The following OSGIN2 variants were observed in gnomAD, a reference collection of about 807,000 sequenced individuals.
OSGIN2 encodes the protein oxidative stress-induced growth inhibitor 2.
A neutral mutation model predicts 53.8 loss-of-function variants in OSGIN2; 19 were observed. The ratio of observed to expected loss-of-function variants is 0.35; its 90% CI spans 0.25 to 0.52. The LOEUF (loss-of-function observed/expected upper bound fraction) is 0.52. Among genes scored for constraint, OSGIN2 ranks in the 20% least tolerant of loss-of-function variants. The pLI is 0.95. For missense variants in OSGIN2, 520 were observed against 662.7 expected (o/e 0.78, Z 2.36); for synonymous variants, 236 against 236.0 (o/e 1.00, Z 0.00).
Position 89,926,470 on chromosome 8 carries a change from A to AAAT in OSGIN2, c.*939_*941dup, listed in dbSNP as rs769825903. On this transcript the variant is annotated 3_prime_UTR_variant, in exon 6 of 6. Coordinates refer to ENST00000451899, the MANE Select transcript of OSGIN2 (RefSeq NM_001126111.3). Reference sequence around the variant, plus strand: ...TATTTGGGTGTGGTAAGTACTTCGAAAATTGTAATACTGTTTGGGCATTGT... The same window carrying AAAT: ...TATTTGGGTGTGGTAAGTACTTCGAAAATAATTGTAATACTGTTTGGGCATTGT... 1 of 152,614 alleles carries AAAT rather than the reference A, an allele frequency of 6.6e-6. No homozygotes were observed. Among genetic ancestry groups the AAAT allele is most frequent in the Non-Finnish European group, 1.5e-5 (1 of 68,022 alleles). 9.5% of individuals were successfully genotyped at this position (152,614 alleles called of 1,614,324 possible). A position where few individuals can be genotyped will look rare whatever the true frequency, so the allele number is the denominator to read the frequency against.
intron 3 of OSGIN2, 31 bp downstream of exon 3, chr8:89,914,244 T>A (rs28507172): frequency 0.091 from 136,581 of 1,508,222 alleles, 15,268 homozygotes; most frequent in African/African-American, 0.51. Context: ...ATTTAAAAAA[T>A]TTTTTTATGC....
intron 1 of OSGIN2, among the ~76,000 whole-genome samples, chr8:89,905,800 A>G (rs192816198): frequency 2.0e-5 from 3 of 152,356 alleles, no homozygotes; most frequent in Admixed American, 2.0e-4. Context: ...AGGGCTGCAC[A>G]TGCAAAAAAC....
chr8:89,909,520 C>G, intron 1 of OSGIN2, 47 bp from the exon 2 acceptor site: 1 of 1,009,370 alleles, frequency 9.9e-7, no homozygotes, highest in South Asian at 2.0e-5. Context: ...TTTATAAAGG[C>G]TATATTGACT....
chr8:89,912,692 G>T (rs976477690), intron 2 of OSGIN2, among the ~76,000 whole-genome samples: 4 of 151,820 alleles, frequency 2.6e-5, no homozygotes, highest in Non-Finnish European at 5.9e-5. Context: ...GTTGCAGTGA[G>T]CCGAGATCAT....
At chr8:89,914,055 T>A in intron 2 of OSGIN2, 22 bp from the exon 3 acceptor site, 1 of 1,606,128 alleles carries the variant, frequency 6.2e-7, no homozygotes, top group Non-Finnish European at 8.5e-7. Context: ...ACCTACCCCT[T>A]TCCACCTTTT....
chr8:89,915,321 CAGAG>C (rs1057473370), intron 4 of OSGIN2, among the ~76,000 whole-genome samples: 2 of 152,128 alleles, frequency 1.3e-5, no homozygotes, highest in Non-Finnish European at 2.9e-5. Context: ...CCTCACATAG[CAGAG>C]AGAGAGAAAT....
At chr8:89,902,980 TG>T in intron 1 of OSGIN2, 143 bp downstream of exon 1, 1 of 219,394 alleles carries the variant, frequency 4.6e-6, no homozygotes, top group East Asian at 1.2e-4. Context: ...CTGCCTGGCG[TG>T]GGGGTGGGGT....
At chr8:89,922,062 G>T (rs1205593253) in intron 5 of OSGIN2, among the ~76,000 whole-genome samples, 1 of 151,910 alleles carries the variant, frequency 6.6e-6, no homozygotes, top group Non-Finnish European at 1.5e-5. Flanking sequence ...TTTAAAAAGA[G>T]AAATATGAAA....
rs1435625028 is a variant in OSGIN2, at chr8:89,909,037, AATATATATATATAC to A, written c.45-516_45-503del. On this transcript the variant is annotated intron_variant, in intron 1 of 5. Transcript: ENST00000451899. ...AAAAAAAAAAAAAAAAAAAAAAAAA[AATATATATATATAC>A]ATATATATATATATAATGTATATGT... Among the ~76,000 whole-genome samples, 235 of 84,868 alleles carry A rather than the reference AATATATATATATAC, an allele frequency of 2.8e-3. 2 individuals carry two copies. The highest frequency in any genetic ancestry group is 0.016 in the African/African-American group (224 of 13,896). 55.7% of individuals were successfully genotyped at this position (84,868 alleles called of 152,430 possible).
chr8:89,916,889 G>A (rs1809091492), intron 4 of OSGIN2, among the ~76,000 whole-genome samples: 1 of 152,118 alleles, frequency 6.6e-6, no homozygotes. Context: ...AGGTTGGCTA[G>A]TAAGGTTGGT....
intron 4 of OSGIN2, among the ~76,000 whole-genome samples, chr8:89,917,697 C>T (rs1257044390): frequency 6.6e-6 from 1 of 151,966 alleles, no homozygotes; most frequent in Admixed American, 6.6e-5. Context: ...TCTTATTTTA[C>T]AGATAAAATG....
At chr8:89,913,819 C>A (rs1563469555) in intron 2 of OSGIN2, among the ~76,000 whole-genome samples, 2 of 152,104 alleles carry the variant, frequency 1.3e-5, no homozygotes, top group East Asian at 3.9e-4. Context: ...TGGGATATAT[C>A]CTTGGGAAAT....
chr8:89,927,318 AAAAT>A lies in OSGIN2; in HGVS notation c.*1790_*1793del, dbSNP rs1362233908. 1.3e-5 allele frequency: 2 copies of A among 152,082 alleles called. No individual in the cohort carries two copies. Among genetic ancestry groups the A allele is most frequent in the Non-Finnish European group, 2.9e-5 (2 of 68,008 alleles). 9.4% of individuals were successfully genotyped at this position (152,082 alleles called of 1,614,324 possible). On this transcript the variant is annotated 3_prime_UTR_variant, in exon 6 of 6. Transcript: ENST00000451899. The stretch of plus-strand genomic sequence containing the variant: ...TTAAAAAAAAAAAAAGACTTCAAGA[AAAAT>A]AAAAGTTCAGTGGAGCTGCAAATAA...
chr8:89,921,319 A>C, intron 5 of OSGIN2, 148 bp downstream of exon 5: 1 of 555,016 alleles, frequency 1.8e-6, no homozygotes, highest in East Asian at 2.9e-5. Context: ...AGTGATTATA[A>C]TATGCTAGTT....
At chr8:89,922,430 C>T (rs1251129510) in intron 5 of OSGIN2, among the ~76,000 whole-genome samples, 4 of 152,182 alleles carry the variant, frequency 2.6e-5, no homozygotes, top group Admixed American at 1.3e-4. Context: ...AGTGAAATTG[C>T]TTAACACATT....
chr8:89,924,353 AAT>A (rs1304126560), intron 5 of OSGIN2, 148 bp from the exon 6 acceptor site: 1 of 562,660 alleles, frequency 1.8e-6, no homozygotes, highest in African/African-American at 1.9e-5. Context: ...TTTAACTAAA[AAT>A]AGTTTTTTTT....
upstream of OSGIN2, chr8:89,902,447 A>T (rs1208268995): frequency 2.0e-5 from 3 of 151,536 alleles, no homozygotes; most frequent in African/African-American, 4.9e-5. Context: ...CCGTGGCTCC[A>T]CCAATCGCAG....
intron 2 of OSGIN2, among the ~76,000 whole-genome samples, chr8:89,912,988 A>C (rs1302421782): frequency 1.3e-5 from 2 of 152,100 alleles, no homozygotes; most frequent in Non-Finnish European, 2.9e-5. Flanking sequence ...GGACCAATAG[A>C]GTCAGACAGT....
intron 2 of OSGIN2, among the ~76,000 whole-genome samples, chr8:89,911,567 T>A (rs1021563920): frequency 2.0e-5 from 3 of 147,654 alleles, no homozygotes; most frequent in African/African-American, 7.6e-5. Context: ...GAGGTGGAGG[T>A]TGCAGTGAGC....
Sources: allele counts gnomAD v4.1 joint callset (sites outside exome capture counted in the v4.1 genomes callset), GRCh38; gene constraint gnomAD v4.1.1; transcripts MANE v1.5; gene names NCBI Gene and HGNC (gene_info 2026-07-23, HGNC 2026-07-21).